The following CFAP74 variants were observed in gnomAD, a reference collection of about 807,000 sequenced individuals.
CFAP74 encodes the protein cilia and flagella associated protein 74.
A neutral mutation model predicts 188.9 loss-of-function variants in CFAP74; 124 were observed. The observed-to-expected ratio is 0.66, with a 90% CI of 0.57 to 0.76. CFAP74 has a LOEUF of 0.76. CFAP74 is among the 30% of genes least tolerant of loss of function. The pLI is 0.00. For synonymous variants in CFAP74, 956 were observed against 916.7 expected (o/e 1.04, Z -0.77); for missense variants, 2,198 against 2,165.2 (o/e 1.02, Z -0.30).
At chr1:1,931,458 C>T (rs1056524523) in intron 25 of CFAP74, among the ~76,000 whole-genome samples, 22 of 120,228 alleles carry the variant, frequency 1.8e-4, no homozygotes, top group Non-Finnish European at 2.7e-4. Context: ...AAAAAAAGTT[C>T]GGGCACAGTG....
intron 14 of CFAP74, among the ~76,000 whole-genome samples, chr1:1,960,979 CACTGTCAAGAA>C (rs1010813618): frequency 3.3e-4 from 50 of 152,166 alleles, no homozygotes; most frequent in African/African-American, 1.2e-3. Context: ...AAGAACAAGA[CACTGTCAAGAA>C]ATGCAGACTC....
Position 1,923,122 on chromosome 1 carries a change from A to T in CFAP74, c.4546T>A (p.Ser1516Thr). The T allele has an allele frequency of 6.2e-7, 1 of 1,609,242 alleles. No homozygotes were observed. The change falls in exon 37 of 39, where the codon TCT becomes ACT. Residue 1516 changes from serine to threonine, a missense_variant. Coordinates refer to ENST00000682832, the MANE Select transcript of CFAP74 (RefSeq NM_001304360.2). The surrounding 1 kb of genome is among the most constrained non-coding windows in gnomAD (Gnocchi z 6.3). ...GGCCTCAGCTCCTCAGCTTCTGGAGAGAGAGGGCCTGGCCGGGAGCTGGCT... is the reference window on the plus strand; with the variant it reads ...GGCCTCAGCTCCTCAGCTTCTGGAGTGAGAGGGCCTGGCCGGGAGCTGGCT... ...REASSRPGPL[S>T]PEAEELRPIL...
Position 1,946,705 on chromosome 1 carries a change from G to T in CFAP74, c.2242-266C>A, listed in dbSNP as rs149918256. Among the ~76,000 whole-genome samples the T allele has an allele frequency of 3.8e-3, 573 of 152,300 alleles. 7 individuals are homozygous for T. Among genetic ancestry groups the T allele is most frequent in the Middle Eastern group, 0.017 (5 of 294 alleles). ...AGCTCATGGCCGTGTCCCAGCCAGG[G>T]AGGCCGCGGCCAGCATCCACCCCAA... On this transcript the variant is annotated intron_variant, in intron 19 of 38. Coordinates refer to ENST00000682832, the MANE Select transcript of CFAP74 (RefSeq NM_001304360.2).
chr1:1,986,640 C>T (rs190279664), intron 5 of CFAP74, among the ~76,000 whole-genome samples: 11 of 152,350 alleles, frequency 7.2e-5, no homozygotes, highest in African/African-American at 2.6e-4. Context: ...AGGCCTCTCA[C>T]CTCTCACCTC....
chr1:1,934,760 G>C (rs1305519400), intron 25 of CFAP74, among the ~76,000 whole-genome samples: 1 of 130,474 alleles, frequency 7.7e-6, no homozygotes, highest in African/African-American at 3.0e-5. Flanking sequence ...TTAGGTTGTA[G>C]GTACACACGT....
At chr1:1,952,214 A>G (rs1310546616) in intron 18 of CFAP74, among the ~76,000 whole-genome samples, 1 of 152,076 alleles carries the variant, frequency 6.6e-6, no homozygotes, top group Non-Finnish European at 1.5e-5. Flanking sequence ...CGGCCTCCCA[A>G]AGTGCTGGGA....
At chr1:1,981,001 G>A (rs901545031) in intron 6 of CFAP74, among the ~76,000 whole-genome samples, 12 of 152,354 alleles carry the variant, frequency 7.9e-5, no homozygotes, top group South Asian at 4.1e-4. Context: ...TTTGGGTCCC[G>A]AAGCAGCGGC....
intron 4 of CFAP74, 92 bp from the exon 5 acceptor site, chr1:1,987,127 G>C (rs563928741): frequency 1.2e-5 from 13 of 1,041,426 alleles, no homozygotes; most frequent in East Asian, 1.2e-4. Context: ...AGGTGAGGCA[G>C]AGCCAGACCC....
Position 1,923,886 on chromosome 1 carries a change from G to T in CFAP74, c.4278C>A (p.Pro1426=), listed in dbSNP as rs773080917. 1.9e-6 allele frequency: 3 copies of T among 1,612,750 alleles called. No homozygotes were observed. Among genetic ancestry groups the T allele is most frequent in the Non-Finnish European group, 2.5e-6 (3 of 1,179,670 alleles). Residue 1426 remains proline, a synonymous_variant, in exon 35 of 39, where the codon CCC becomes CCA. Transcript: ENST00000682832. The surrounding 1 kb of genome is among the most constrained non-coding windows in gnomAD (Gnocchi z 6.3). ...TCCCGGGGTCCATGACGCCCTTGACGGGGGCCACGCTGAACACGCTCTGAC... is the reference window on the plus strand; with the variant it reads ...TCCCGGGGTCCATGACGCCCTTGACTGGGGCCACGCTGAACACGCTCTGAC... ...LNGQSVFSVA[P]VKGVMDPGKT...
intron 27 of CFAP74, among the ~76,000 whole-genome samples, chr1:1,928,533 C>T (rs1242697258): frequency 6.6e-6 from 1 of 152,190 alleles, no homozygotes; most frequent in Non-Finnish European, 1.5e-5. Context: ...GGGTCACAGC[C>T]CCTACTGCCC....
intron 10 of CFAP74, among the ~76,000 whole-genome samples, chr1:1,970,323 G>A (rs1053486824): frequency 1.3e-5 from 2 of 152,196 alleles, no homozygotes; most frequent in Non-Finnish European, 2.9e-5. Context: ...ACTTCTGGGT[G>A]GGCCAGGAAA....
intron 22 of CFAP74, 41 bp from the exon 23 acceptor site, chr1:1,940,444 A>C: frequency 7.3e-7 from 1 of 1,369,824 alleles, no homozygotes; most frequent in East Asian, 2.5e-5. Context: ...TCCTCTTTCC[A>C]TTTTGTGAAA....
chr1:1,987,319 C>T (rs939353789), intron 4 of CFAP74, among the ~76,000 whole-genome samples: 4 of 152,192 alleles, frequency 2.6e-5, no homozygotes, highest in African/African-American at 4.8e-5. Flanking sequence ...TCTGCATAAA[C>T]AAGCGCACTC....
Position 1,970,544 on chromosome 1 carries a change from G to A in CFAP74, c.1046+115C>T, listed in dbSNP as rs1655877019. The A allele has an allele frequency of 6.6e-6, 8 of 1,216,782 alleles. No homozygotes were observed. In the South Asian group the frequency reaches 9.3e-5, roughly 14 times the overall value. The allele number at this position is 1,216,782 out of a possible 1,614,324, so 75.4% of individuals were successfully genotyped here. The stretch of plus-strand genomic sequence containing the variant: ...CCCGTGCCCCACAGCCGCCTGAGTG[G>A]GCGCCCTGGGAGAGAGAGCAGCTTT... On this transcript the variant is annotated intron_variant, in intron 10 of 38. Transcript: ENST00000682832.
intron 9 of CFAP74, among the ~76,000 whole-genome samples, chr1:1,971,758 T>G (rs1656092004): frequency 6.6e-6 from 1 of 152,252 alleles, no homozygotes; most frequent in South Asian, 2.1e-4. Context: ...GGAGCAGGGC[T>G]GGGGTGCCTG....
chr1:1,960,055 C>T (rs372780844), intron 14 of CFAP74, 25 bp from the exon 15 acceptor site: 71 of 1,588,710 alleles, frequency 4.5e-5, no homozygotes, highest in Admixed American at 5.2e-5. Flanking sequence ...CCATAGCACA[C>T]GGGGGTTAGT....
chr1:1,998,362 C>T lies in CFAP74; in HGVS notation c.-20+5339G>A, dbSNP rs1454777880. Among the ~76,000 whole-genome samples the T allele has an allele frequency of 3.3e-5, 5 of 152,212 alleles. No homozygotes were observed. In the South Asian group the frequency reaches 1.0e-3, roughly 32 times the overall value. On this transcript the variant is annotated intron_variant, in intron 1 of 38. Coordinates refer to ENST00000682832, the MANE Select transcript of CFAP74 (RefSeq NM_001304360.2). Reference sequence around the variant, plus strand: ...AAAATGAGTTTCTATCTGTCAGAGGCATCTGCAAAGGTTTTTACAGGTGAA... The same window carrying T: ...AAAATGAGTTTCTATCTGTCAGAGGTATCTGCAAAGGTTTTTACAGGTGAA...
chr1:1,982,980 G>A (rs1205214344), intron 6 of CFAP74, among the ~76,000 whole-genome samples: 1 of 152,248 alleles, frequency 6.6e-6, no homozygotes. Context: ...GCCTCTCACT[G>A]TGCCCGAAAA....
Position 1,942,577 on chromosome 1 carries a change from T to C in CFAP74, c.2487-421A>G, listed in dbSNP as rs1377148404. 2.6e-5 allele frequency among the ~76,000 whole-genome samples: 4 copies of C among 151,956 alleles called. No homozygotes were observed. The highest frequency in any genetic ancestry group is 2.0e-4 in the East Asian group (1 of 5,124). The stretch of plus-strand genomic sequence containing the variant: ...TCCTGCAGCTCAAGCACAGGGCACG[T>C]GGGGGGCCTGGGACGGCCACAGGCC... On this transcript the variant is annotated intron_variant, in intron 21 of 38. Coordinates refer to ENST00000682832, the MANE Select transcript of CFAP74 (RefSeq NM_001304360.2). This position sits in a 1 kb window ranked among gnomAD's most constrained non-coding sequence, Gnocchi z 4.3.
Sources: gnomAD v4.1 joint callset for allele counts (sites outside exome capture counted in the v4.1 genomes callset) on GRCh38, gnomAD v4.1.1 for gene constraint, Gnocchi (gnomAD v3.1) non-coding constraint, MANE v1.5 for transcripts, NCBI Gene and HGNC (gene_info 2026-07-23, HGNC 2026-07-21) for gene names.